The following UBE2E3 variants were observed in gnomAD, a reference collection of about 807,000 sequenced individuals.
The protein encoded by UBE2E3 is ubiquitin-conjugating enzyme E2 E3.
Under a neutral mutation model 23.6 loss-of-function variants are expected in UBE2E3, and 5 were observed. That is an observed-to-expected ratio of 0.21 (90% confidence interval 0.11 to 0.44). The LOEUF (loss-of-function observed/expected upper bound fraction) is 0.44. Ranked by LOEUF, UBE2E3 falls within the 20% of genes least tolerant of loss-of-function variation. The pLI is 0.99. For missense variants in UBE2E3, 81 were observed against 249.8 expected (o/e 0.32, Z 4.55); for synonymous variants, 78 against 87.5 (o/e 0.89, Z 0.60).
intron 3 of UBE2E3, among the ~76,000 whole-genome samples, chr2:181,047,730 AC>A (rs1686713802): frequency 6.6e-6 from 1 of 152,014 alleles, no homozygotes; most frequent in Non-Finnish European, 1.5e-5. Flanking sequence ...CACCCAGATT[AC>A]TGCAGTGGTC....
intron 3 of UBE2E3, among the ~76,000 whole-genome samples, chr2:181,042,574 A>C (rs1010896061): frequency 6.6e-6 from 1 of 152,190 alleles, no homozygotes; most frequent in African/African-American, 2.4e-5. Context: ...ATGCTGGTGA[A>C]AGAGTGCCAA....
At chr2:181,062,770 A>G (rs1228784715) in intron 5 of UBE2E3, 21 bp from the exon 6 acceptor site, 1 of 1,506,382 alleles carries the variant, frequency 6.6e-7, no homozygotes, top group Non-Finnish European at 9.2e-7. Flanking sequence ...ATAGCTTTTA[A>G]TGTTCTTTCT....
At chr2:181,036,948 C>G (rs1229337258) in intron 3 of UBE2E3, among the ~76,000 whole-genome samples, 1 of 152,164 alleles carries the variant, frequency 6.6e-6, no homozygotes, top group Non-Finnish European at 1.5e-5. Context: ...AAGAACCTAT[C>G]CACAACATTA....
intron 3 of UBE2E3, among the ~76,000 whole-genome samples, chr2:181,041,703 TG>T (rs1181603942): frequency 1.3e-3 from 74 of 57,990 alleles, no homozygotes; most frequent in African/African-American, 5.8e-3. Context: ...CCCAGAGTGC[TG>T]GGATTGATTA....
chr2:181,048,421 T>A (rs1686734470), intron 3 of UBE2E3, among the ~76,000 whole-genome samples: 1 of 152,160 alleles, frequency 6.6e-6, no homozygotes, highest in South Asian at 2.1e-4. Flanking sequence ...AATACTTTTT[T>A]TGATTCAAAG....
intron 3 of UBE2E3, among the ~76,000 whole-genome samples, chr2:181,008,070 A>G (rs988198845): frequency 1.3e-5 from 2 of 152,190 alleles, no homozygotes; most frequent in Non-Finnish European, 2.9e-5. Flanking sequence ...CTTGAAAAGT[A>G]TTGAGATTTA....
intron 3 of UBE2E3, among the ~76,000 whole-genome samples, chr2:180,986,210 G>C (rs1454663374): frequency 6.6e-6 from 1 of 152,062 alleles, no homozygotes; most frequent in Non-Finnish European, 1.5e-5. Context: ...CAGTTCTCAG[G>C]TTCTTTTAAT....
chr2:181,047,536 A>G (rs1043865193), intron 3 of UBE2E3, among the ~76,000 whole-genome samples: 1 of 152,176 alleles, frequency 6.6e-6, no homozygotes, highest in African/African-American at 2.4e-5. Flanking sequence ...CATATACATT[A>G]TCTCAGTCAT....
intron 3 of UBE2E3, among the ~76,000 whole-genome samples, chr2:180,995,884 C>G (rs1684809038): frequency 6.6e-6 from 1 of 151,916 alleles, no homozygotes; most frequent in Non-Finnish European, 1.5e-5. Flanking sequence ...GAATACAGCT[C>G]TAAACAGAAA....
At chr2:180,989,055 T>C (rs983023868) in intron 3 of UBE2E3, among the ~76,000 whole-genome samples, 4 of 152,188 alleles carry the variant, frequency 2.6e-5, no homozygotes, top group Admixed American at 1.3e-4. Flanking sequence ...GTTTGTATTA[T>C]TAGTTTTATT....
At position 180,980,689 on chromosome 2, in the gene UBE2E3, C is replaced by T. The variant is rs1461292482; in HGVS notation, c.-310C>T. The T allele has an allele frequency of 3.4e-5, 5 of 148,140 alleles. No homozygotes were observed. The highest frequency in any genetic ancestry group is 7.4e-5 in the African/African-American group (3 of 40,722). 9.2% of individuals were successfully genotyped at this position (148,140 alleles called of 1,614,324 possible). A position where few individuals can be genotyped will look rare whatever the true frequency, so the allele number is the denominator to read the frequency against. Reference sequence around the variant, plus strand: ...CAGCGCGCGGGGGTCTCCCGCGTCCCCTCCGCCTCGCCGGGAGCTCGCGCC... The same window carrying T: ...CAGCGCGCGGGGGTCTCCCGCGTCCTCTCCGCCTCGCCGGGAGCTCGCGCC... On this transcript the variant is annotated 5_prime_UTR_variant, in exon 1 of 6. Transcript: ENST00000410062. The surrounding 1 kb of genome is among the most constrained non-coding windows in gnomAD (Gnocchi z 5.5).
intron 3 of UBE2E3, among the ~76,000 whole-genome samples, chr2:180,985,014 T>C (rs1684412569): frequency 6.6e-6 from 1 of 152,134 alleles, no homozygotes; most frequent in South Asian, 2.1e-4. Flanking sequence ...TTAACCTGTA[T>C]TTTTGCTACA....
chr2:181,013,603 A>G (rs1018362964), intron 3 of UBE2E3, among the ~76,000 whole-genome samples: 1 of 152,292 alleles, frequency 6.6e-6, no homozygotes, highest in African/African-American at 2.4e-5. Context: ...TGACATTTCC[A>G]TGTAACCTGG....
At chr2:181,016,204 A>G (rs2105616069) in intron 3 of UBE2E3, among the ~76,000 whole-genome samples, 1 of 152,116 alleles carries the variant, frequency 6.6e-6, no homozygotes, top group Non-Finnish European at 1.5e-5. Context: ...GCAAGACACT[A>G]ACCTTTACCT....
At chr2:181,054,602 A>G (rs1686935995) in intron 3 of UBE2E3, among the ~76,000 whole-genome samples, 1 of 151,762 alleles carries the variant, frequency 6.6e-6, no homozygotes, top group South Asian at 2.1e-4. Context: ...TTTAGTTTTA[A>G]TGGTTCATCG....
intron 3 of UBE2E3, among the ~76,000 whole-genome samples, chr2:181,016,160 TG>T (rs1227861277): frequency 2.0e-5 from 3 of 152,092 alleles, no homozygotes; most frequent in African/African-American, 4.8e-5. Flanking sequence ...ATTTTAACCC[TG>T]AATCTGCCAC....
Position 180,984,113 on chromosome 2 carries a change from G to C in UBE2E3, c.245+20G>C. The C allele has an allele frequency of 3.7e-6, 6 of 1,602,594 alleles. No individual in the cohort carries two copies. Among genetic ancestry groups the C allele is most frequent in the Non-Finnish European group, 4.3e-6 (5 of 1,171,698 alleles). ...TTGCAGGTAAGAAATGAATTTTGTT[G>C]TTTTGGTTTCAAATTGTGGAAAAAT... On this transcript the variant is annotated intron_variant, in intron 3 of 5. Transcript: ENST00000410062.
At chr2:181,028,536 T>G (rs1357294392) in intron 3 of UBE2E3, among the ~76,000 whole-genome samples, 6 of 152,152 alleles carry the variant, frequency 3.9e-5, no homozygotes, top group Admixed American at 3.3e-4. Context: ...AATAGTTCTC[T>G]TTGCGCTGCA....
At chr2:180,992,659 C>CT (rs1317323047) in intron 3 of UBE2E3, among the ~76,000 whole-genome samples, 1 of 152,024 alleles carries the variant, frequency 6.6e-6, no homozygotes, top group Non-Finnish European at 1.5e-5. Context: ...CCATGCCTGA[C>CT]TAACTTTTTT....
Sources: gnomAD v4.1 joint callset for allele counts (sites outside exome capture counted in the v4.1 genomes callset) on GRCh38, gnomAD v4.1.1 for gene constraint, Gnocchi (gnomAD v3.1) non-coding constraint, MANE v1.5 for transcripts, NCBI Gene and HGNC (gene_info 2026-07-23, HGNC 2026-07-21) for gene names.